Variants in CFAP61 observed in about 807,000 individuals in gnomAD.
CFAP61 encodes the protein cilia- and flagella-associated protein 61.
Under a neutral mutation model 135.6 loss-of-function variants are expected in CFAP61, and 107 were observed. The ratio of observed to expected loss-of-function variants is 0.79; its 90% CI spans 0.67 to 0.93. The LOEUF (loss-of-function observed/expected upper bound fraction) is 0.93, where lower values mean the gene tolerates loss of function less well. Ranked by LOEUF, CFAP61 falls within the 40% of genes least tolerant of loss-of-function variation. CFAP61 has a pLI of 0.00. For missense variants in CFAP61, 1,507 were observed against 1,556.2 expected (o/e 0.97, Z 0.53); for synonymous variants, 575 against 578.5 (o/e 0.99, Z 0.09).
intron 6 of CFAP61, among the ~76,000 whole-genome samples, chr20:20,076,271 G>C (rs2046043252): frequency 6.6e-6 from 1 of 152,216 alleles, no homozygotes; most frequent in South Asian, 2.1e-4. Context: ...GGAAGCTTCT[G>C]CCTGGCTCTC....
intron 6 of CFAP61, 77 bp downstream of exon 6, chr20:20,075,692 A>T: frequency 6.6e-7 from 1 of 1,523,574 alleles, no homozygotes; most frequent in Non-Finnish European, 9.0e-7. Flanking sequence ...TAAACTACCA[A>T]TGCTAAGTGA....
At chr20:20,299,838 A>G (rs2055938331) in intron 25 of CFAP61, among the ~76,000 whole-genome samples, 2 of 152,152 alleles carry the variant, frequency 1.3e-5, no homozygotes, top group Admixed American at 6.5e-5. Flanking sequence ...TTACAATCGG[A>G]CGTTGTGAAC....
intron 8 of CFAP61, among the ~76,000 whole-genome samples, chr20:20,139,103 A>T (rs917697539): frequency 1.4e-4 from 22 of 152,244 alleles, no homozygotes; most frequent in African/African-American, 5.1e-4. Flanking sequence ...ATAAATGTAA[A>T]AAGCACAAAA....
Position 20,196,750 on chromosome 20 carries a change from G to A in CFAP61, c.1771G>A (p.Val591Ile), listed in dbSNP as rs141281618. 3.1e-5 allele frequency: 50 copies of A among 1,614,054 alleles called. No homozygotes were observed. Among genetic ancestry groups the A allele is most frequent in the Admixed American group, 5.0e-5 (3 of 60,006 alleles). ...CTTTAAATCCTGTCTCTACTACCGT[G>A]TTTACCCAAAATCCAGAGAAGGCAA... ...LGFKSCLYYR[V>I]YPKSREGKFQ... Residue 591 changes from valine (V) to isoleucine (I), a missense_variant, in exon 16 of 27, where the codon GTT (valine) becomes ATT (isoleucine). By Grantham distance (29) the Val-to-Ile change is conservative. Transcript: ENST00000245957.
intron 26 of CFAP61, among the ~76,000 whole-genome samples, chr20:20,347,836 G>A (rs961078574): frequency 6.6e-6 from 1 of 151,688 alleles, no homozygotes; most frequent in Admixed American, 6.6e-5. Flanking sequence ...AGGAGGCTGA[G>A]GCAGGAGAAT....
At chr20:20,199,725 C>T (rs1364148364) in intron 16 of CFAP61, 43 bp from the exon 17 acceptor site, 1 of 1,611,550 alleles carries the variant, frequency 6.2e-7, no homozygotes, top group East Asian at 2.2e-5. Flanking sequence ...TGCTGAGCCT[C>T]TCTGACATTC....
intron 3 of CFAP61, among the ~76,000 whole-genome samples, chr20:20,071,277 C>T (rs979034009): frequency 5.3e-5 from 8 of 152,126 alleles, no homozygotes; most frequent in African/African-American, 1.2e-4. Flanking sequence ...AAGTGTCAAA[C>T]GTGTGCTTCC....
At position 20,087,361 on chromosome 20, in the gene CFAP61, CCTA is replaced by C. The variant is rs1179923875; in HGVS notation, c.567-3480_567-3478del. 3.3e-5 allele frequency among the ~76,000 whole-genome samples: 5 copies of C among 152,234 alleles called. No homozygotes were observed. The South Asian group carries it at 1.0e-3, about 32-fold the overall frequency. On this transcript the variant is annotated intron_variant, in intron 6 of 26. Coordinates refer to ENST00000245957, the MANE Select transcript of CFAP61 (RefSeq NM_015585.4). ...GTCCCTGAGTGCCCATTGTTTAGCTCCTACTTATAAGTGAAAACATGCAGTATT... is the reference window on the plus strand; with the variant it reads ...GTCCCTGAGTGCCCATTGTTTAGCTCCTTATAAGTGAAAACATGCAGTATT...
In CFAP61 at chr20:20,337,306, A is replaced by G. The variant is rs200163069; in HGVS notation, c.3423-4525A>G. 8.9e-3 allele frequency among the ~76,000 whole-genome samples: 620 copies of G among 69,842 alleles called. 106 individuals carry two copies. Among genetic ancestry groups the G allele is most frequent in the East Asian group, 0.052 (61 of 1,164 alleles). 45.8% of individuals were successfully genotyped at this position (69,842 alleles called of 152,430 possible). ...GATGGATGGATAGATGGATGGATGGATGGATGGATGGATGGATGGATGGAT... is the reference window on the plus strand; with the variant it reads ...GATGGATGGATAGATGGATGGATGGGTGGATGGATGGATGGATGGATGGAT... On this transcript the variant is annotated intron_variant, in intron 25 of 26. Coordinates refer to ENST00000245957, the MANE Select transcript of CFAP61 (RefSeq NM_015585.4).
intron 6 of CFAP61, 91 bp from the exon 7 acceptor site, chr20:20,090,753 A>T (rs1400566469): frequency 7.6e-7 from 1 of 1,310,926 alleles, no homozygotes; most frequent in East Asian, 2.3e-5. Flanking sequence ...TAGCCCCGGC[A>T]CTTAGAACAG....
chr20:20,121,865 C>A (rs1289204680), intron 8 of CFAP61, among the ~76,000 whole-genome samples: 1 of 151,246 alleles, frequency 6.6e-6, no homozygotes, highest in East Asian at 1.9e-4. Flanking sequence ...CTTTTCCTTT[C>A]TTCCTTTCTT....
chr20:20,098,227 C>T (rs756059420), intron 7 of CFAP61, among the ~76,000 whole-genome samples: 1 of 152,196 alleles, frequency 6.6e-6, no homozygotes, highest in Non-Finnish European at 1.5e-5. Context: ...TCCCTTAAAT[C>T]TCAAGGTGAC....
intron 21 of CFAP61, chr20:20,265,765 A>G (rs929053584): frequency 8.4e-6 from 3 of 358,670 alleles, no homozygotes; most frequent in Non-Finnish European, 1.5e-5. Context: ...CTCTGTGTAG[A>G]GGCCCTTTTC....
At chr20:20,059,856 CTAGTT>C (rs1045329144) in intron 2 of CFAP61, among the ~76,000 whole-genome samples, 3 of 152,008 alleles carry the variant, frequency 2.0e-5, no homozygotes, top group African/African-American at 7.2e-5. Flanking sequence ...GAGACCTAGT[CTAGTT>C]AGACTTTTAG....
intron 17 of CFAP61, among the ~76,000 whole-genome samples, chr20:20,202,434 A>G (rs1383762363): frequency 6.6e-6 from 1 of 152,258 alleles, no homozygotes; most frequent in African/African-American, 2.4e-5. Context: ...AATTTTAGAC[A>G]TATTAAAAGT....
chr20:20,187,306 G>C (rs961183002), intron 13 of CFAP61, among the ~76,000 whole-genome samples: 5 of 152,210 alleles, frequency 3.3e-5, no homozygotes, highest in Admixed American at 2.6e-4. Context: ...CAGGAATGGG[G>C]AGGCTGTCTA....
intron 21 of CFAP61, among the ~76,000 whole-genome samples, chr20:20,273,041 ATTT>A (rs998055743): frequency 7.9e-6 from 1 of 127,358 alleles, no homozygotes. Context: ...GCCATGCTTA[ATTT>A]TTTTTTTTTT....
At chr20:20,269,558 G>GATGGGTGAAACCAAC (rs1286307718) in intron 21 of CFAP61, among the ~76,000 whole-genome samples, 1 of 152,054 alleles carries the variant, frequency 6.6e-6, no homozygotes, top group East Asian at 1.9e-4. Context: ...TTTTAGTAGA[G>GATGGGTGAAACCAAC]ATGGGGTTTC....
chr20:20,248,702 CG>C (rs2050655450), intron 19 of CFAP61, among the ~76,000 whole-genome samples: 1 of 152,158 alleles, frequency 6.6e-6, no homozygotes, highest in Non-Finnish European at 1.5e-5. Flanking sequence ...CTTTCCAGCT[CG>C]GAAGAGTCAT....
Sources: gnomAD v4.1 joint callset for allele counts (sites outside exome capture counted in the v4.1 genomes callset) on GRCh38, gnomAD v4.1.1 for gene constraint, MANE v1.5 for transcripts, NCBI Gene and HGNC (gene_info 2026-07-23, HGNC 2026-07-21) for gene names.